Variants in VPS36 observed in about 807,000 individuals in gnomAD.
VPS36 encodes vacuolar protein-sorting-associated protein 36.
A neutral mutation model predicts 63.5 loss-of-function variants in VPS36; 31 were observed. The ratio of observed to expected loss-of-function variants is 0.49; its 90% CI spans 0.37 to 0.66. VPS36 has a LOEUF of 0.66. Ranked by LOEUF, VPS36 falls within the 30% of genes least tolerant of loss-of-function variation. The pLI, the probability that VPS36 is intolerant of heterozygous loss-of-function variation, is 0.00. For missense variants in VPS36, 338 were observed against 463.7 expected (o/e 0.73, Z 2.49); for synonymous variants, 138 against 157.2 (o/e 0.88, Z 0.91).
At position 52,441,151 on chromosome 13, in the gene VPS36, C is replaced by A. The variant is rs74085786; in HGVS notation, c.165+1226G>T. On this transcript the variant is annotated intron_variant, in intron 2 of 13. Transcript: ENST00000378060. ...GGGGTTGGGGGGTTGGGGACCCCTG[C>A]TCTAAGGCATGCATTATCAACAGGG... Among the ~76,000 whole-genome samples the A allele has an allele frequency of 6.8e-3, 1,040 of 152,192 alleles. 18 individuals are homozygous for A. The highest frequency in any genetic ancestry group is 0.024 in the African/African-American group (995 of 41,526).
At chr13:52,443,868 T>C (rs1958306619) in intron 1 of VPS36, among the ~76,000 whole-genome samples, 1 of 152,146 alleles carries the variant, frequency 6.6e-6, no homozygotes, top group Admixed American at 6.5e-5. Flanking sequence ...ATTAAACCCC[T>C]GTGTTTCTGT....
At chr13:52,417,288 C>T (rs1026879823) in intron 11 of VPS36, 147 bp from the exon 12 acceptor site, 2 of 601,278 alleles carry the variant, frequency 3.3e-6, no homozygotes, top group East Asian at 2.8e-5. Context: ...CAAACCCAAG[C>T]AACAATGGCA....
Position 52,418,065 on chromosome 13 carries a change from GA to G in VPS36, c.841-10del, listed in dbSNP as rs770428261. On this transcript the variant is annotated splice_polypyrimidine_tract_variant and intron_variant, in intron 10 of 13. Transcript: ENST00000378060. Reference sequence around the variant, plus strand: ...TCTTCTGGTGAGAGCAACTAATAGGGAAAAAAAATCCAGTAATGCTATACAA... The same window carrying G: ...TCTTCTGGTGAGAGCAACTAATAGGGAAAAAAATCCAGTAATGCTATACAA... 4.4e-6 allele frequency: 7 copies of G among 1,604,018 alleles called. No individual in the cohort carries two copies. Among genetic ancestry groups the G allele is most frequent in the South Asian group, 1.1e-5 (1 of 89,130 alleles).
intron 1 of VPS36, among the ~76,000 whole-genome samples, chr13:52,445,733 C>G (rs1176915438): frequency 7.0e-6 from 1 of 142,726 alleles, no homozygotes; most frequent in African/African-American, 2.6e-5. Flanking sequence ...GTCAGGAGAT[C>G]AAGACCATCC....
Position 52,416,001 on chromosome 13 carries a change from T to C in VPS36, c.1067+16A>G. 6.2e-7 allele frequency: 1 copy of C among 1,613,722 alleles called. No individual in the cohort carries two copies. The highest frequency in any genetic ancestry group is 8.5e-7 in the Non-Finnish European group (1 of 1,179,924). ...CACAAACATACATTGTAATGAAAGG[T>C]AAGAACCTTACTTACCTTTCTTTGG... On this transcript the variant is annotated intron_variant, in intron 13 of 13. Coordinates refer to ENST00000378060, the MANE Select transcript of VPS36 (RefSeq NM_016075.4).
intron 6 of VPS36, among the ~76,000 whole-genome samples, chr13:52,432,076 G>A (rs1246616308): frequency 6.6e-6 from 1 of 152,172 alleles, no homozygotes; most frequent in African/African-American, 2.4e-5. Flanking sequence ...TAGTTGGCTG[G>A]GCGCGGTGGC....
At chr13:52,434,741 G>C in intron 5 of VPS36, 52 bp downstream of exon 5, 2 of 1,467,314 alleles carry the variant, frequency 1.4e-6, no homozygotes, top group Non-Finnish European at 1.9e-6. Context: ...TCTTAATGAA[G>C]ATGTAAGTAC....
In VPS36 at chr13:52,415,329, AT is replaced by A. The variant is rs1261196080; in HGVS notation, c.*500del. The A allele has an allele frequency of 5.3e-5, 8 of 152,240 alleles. No homozygotes were observed. The highest frequency in any genetic ancestry group is 1.0e-4 in the Non-Finnish European group (7 of 68,058). The allele number at this position is 152,240 out of a possible 1,614,324, so 9.4% of individuals were successfully genotyped here. A position where few individuals can be genotyped will look rare whatever the true frequency, so the allele number is the denominator to read the frequency against. ...ATAAAATTATTTCATTTTTAAAGGT[AT>A]TTTATTTGGTATGTTGAAGACATGT... On this transcript the variant is annotated 3_prime_UTR_variant, in exon 14 of 14. Coordinates refer to ENST00000378060, the MANE Select transcript of VPS36 (RefSeq NM_016075.4).
intron 6 of VPS36, among the ~76,000 whole-genome samples, chr13:52,429,064 G>A (rs1284849256): frequency 6.6e-6 from 1 of 151,562 alleles, no homozygotes; most frequent in Non-Finnish European, 1.5e-5. Context: ...AAAAATTAAA[G>A]CAAAAGAGAT....
chr13:52,426,885 A>G lies in VPS36; in HGVS notation c.639+104T>C, dbSNP rs200229011. On this transcript the variant is annotated intron_variant, in intron 8 of 13. Transcript: ENST00000378060. ...TAAATAAACAATAAATAAAACATAA[A>G]TAATAAATAAAACAGTACATTCAGA... 1.4e-5 allele frequency: 10 copies of G among 689,702 alleles called. No homozygotes were observed. The East Asian group carries it at 2.4e-4, about 17-fold the overall frequency. The allele number at this position is 689,702 out of a possible 1,614,324, so 42.7% of individuals were successfully genotyped here. A position where few individuals can be genotyped will look rare whatever the true frequency, so the allele number is the denominator to read the frequency against.
intron 6 of VPS36, 42 bp from the exon 7 acceptor site, chr13:52,427,261 A>C: frequency 6.3e-7 from 1 of 1,594,390 alleles, no homozygotes; most frequent in South Asian, 1.1e-5. Context: ...CATCTAAAGA[A>C]TTAAAATGAC....
At chr13:52,426,906 T>C (rs1958107596) in intron 8 of VPS36, 83 bp downstream of exon 8, 2 of 827,384 alleles carry the variant, frequency 2.4e-6, no homozygotes, top group Non-Finnish European at 3.8e-6. Context: ...AACAGTACAT[T>C]CAGAAAGCCA....
At chr13:52,449,205 A>G (rs996241038) in intron 1 of VPS36, among the ~76,000 whole-genome samples, 1 of 152,110 alleles carries the variant, frequency 6.6e-6, no homozygotes, top group Admixed American at 6.6e-5. Context: ...TTAGCCGGGC[A>G]TGGTTGCAGG....
chr13:52,448,417 C>T (rs1428745161), intron 1 of VPS36, among the ~76,000 whole-genome samples: 2 of 152,142 alleles, frequency 1.3e-5, no homozygotes, highest in African/African-American at 2.4e-5. Context: ...GCCTAGGGAC[C>T]GCATAGCTGC....
chr13:52,435,021 G>A (rs1436141936), intron 4 of VPS36, 139 bp from the exon 5 acceptor site: 8 of 759,550 alleles, frequency 1.1e-5, no homozygotes, highest in South Asian at 2.0e-5. Flanking sequence ...GCCCAGGCTG[G>A]AGTGCAATGG....
chr13:52,448,695 T>C (rs1414782463), intron 1 of VPS36, among the ~76,000 whole-genome samples: 1 of 152,258 alleles, frequency 6.6e-6, no homozygotes, highest in Non-Finnish European at 1.5e-5. Flanking sequence ...CTAATGGTTG[T>C]TATTTTACAC....
At chr13:52,420,267 T>C (rs1366215761) in intron 10 of VPS36, among the ~76,000 whole-genome samples, 1 of 151,390 alleles carries the variant, frequency 6.6e-6, no homozygotes, top group East Asian at 1.9e-4. Flanking sequence ...GGGAATAAGA[T>C]ATAGCATTCA....
chr13:52,434,041 C>G (rs1369580060), intron 5 of VPS36, among the ~76,000 whole-genome samples: 1 of 152,122 alleles, frequency 6.6e-6, no homozygotes, highest in Admixed American at 6.5e-5. Context: ...CAAGCTATTA[C>G]GTATCAGATA....
chr13:52,442,740 T>C (rs1221074070), intron 1 of VPS36, among the ~76,000 whole-genome samples: 3 of 152,184 alleles, frequency 2.0e-5, no homozygotes, highest in Admixed American at 1.3e-4. Flanking sequence ...TGGATTACCA[T>C]AGAACTCTAA....
Sources: gnomAD v4.1 joint callset for allele counts (sites outside exome capture counted in the v4.1 genomes callset) on GRCh38, gnomAD v4.1.1 for gene constraint, MANE v1.5 for transcripts, NCBI Gene and HGNC (gene_info 2026-07-23, HGNC 2026-07-21) for gene names.